CPEB3: variants seen among roughly 807,000 people sequenced by gnomAD.
CPEB3 encodes the protein cytoplasmic polyadenylation element binding protein 3.
CPEB3 carries 20 observed loss-of-function variants against 67.2 expected under a neutral mutation model. That is an observed-to-expected ratio of 0.30 (90% confidence interval 0.21 to 0.43). CPEB3 has a LOEUF of 0.43. CPEB3 is among the 20% of genes least tolerant of loss of function. CPEB3 has a pLI of 1.00. For synonymous variants in CPEB3, 376 were observed against 393.1 expected (o/e 0.96, Z 0.51); for missense variants, 746 against 968.6 (o/e 0.77, Z 3.05).
At chr10:92,063,763 C>CAA (rs75346884) in intron 9 of CPEB3, among the ~76,000 whole-genome samples, 64 of 135,006 alleles carry the variant, frequency 4.7e-4, no homozygotes, top group East Asian at 2.0e-3. Context: ...ACTCAGTATC[C>CAA]AAAAAAAAAA....
chr10:92,281,059 G>A (rs994248707), intron 1 of CPEB3, among the ~76,000 whole-genome samples: 3 of 151,700 alleles, frequency 2.0e-5, no homozygotes, highest in Admixed American at 6.6e-5. Context: ...CACGCCCGGC[G>A]ATGGTGAGCA....
intron 1 of CPEB3, among the ~76,000 whole-genome samples, chr10:92,253,134 T>C (rs535413369): frequency 1.6e-3 from 251 of 152,292 alleles, no homozygotes; most frequent in Non-Finnish European, 3.0e-3. Context: ...GACATACTTA[T>C]TCTGTTTGTT....
chr10:92,152,543 A>T (rs1847011499), intron 4 of CPEB3, among the ~76,000 whole-genome samples: 1 of 152,228 alleles, frequency 6.6e-6, no homozygotes, highest in Non-Finnish European at 1.5e-5. Flanking sequence ...TAATATCTGA[A>T]ATTCCCTTTA....
intron 4 of CPEB3, among the ~76,000 whole-genome samples, chr10:92,157,849 G>A (rs1475822683): frequency 3.3e-5 from 5 of 151,806 alleles, no homozygotes; most frequent in Non-Finnish European, 7.4e-5. Flanking sequence ...ATAATTAAAA[G>A]AACAAATTAC....
At chr10:92,176,596 A>G (rs761354496) in intron 4 of CPEB3, among the ~76,000 whole-genome samples, 9 of 152,248 alleles carry the variant, frequency 5.9e-5, no homozygotes, top group Non-Finnish European at 1.2e-4. Flanking sequence ...GTACCTATCA[A>G]GCAACTTTCC....
intron 6 of CPEB3, among the ~76,000 whole-genome samples, chr10:92,129,261 T>G (rs1350748246): frequency 6.6e-6 from 1 of 152,156 alleles, no homozygotes; most frequent in Non-Finnish European, 1.5e-5. Flanking sequence ...CCACATGTTC[T>G]CACTTATACA....
chr10:92,211,285 T>C (rs1850069182), intron 2 of CPEB3, among the ~76,000 whole-genome samples: 1 of 152,192 alleles, frequency 6.6e-6, no homozygotes, highest in African/African-American at 2.4e-5. Flanking sequence ...GTAGATAATT[T>C]ATCAAGTATC....
intron 2 of CPEB3, among the ~76,000 whole-genome samples, chr10:92,225,062 C>A (rs1323038796): frequency 1.3e-5 from 2 of 151,448 alleles, no homozygotes; most frequent in African/African-American, 2.4e-5. Flanking sequence ...GCAACCTCCA[C>A]CTCCTGGGTT....
chr10:92,289,818 T>C (rs1842752218), intron 1 of CPEB3, among the ~76,000 whole-genome samples: 1 of 139,038 alleles, frequency 7.2e-6, no homozygotes, highest in Non-Finnish European at 1.5e-5. Flanking sequence ...ATATATTATA[T>C]AATACATATA....
intron 2 of CPEB3, among the ~76,000 whole-genome samples, chr10:92,229,270 G>T (rs1307609948): frequency 1.3e-5 from 2 of 152,122 alleles, no homozygotes; most frequent in Non-Finnish European, 2.9e-5. Flanking sequence ...CTGGGCTCAA[G>T]CAGTCCTCCC....
chr10:92,264,155 C>T (rs928159781), intron 1 of CPEB3, among the ~76,000 whole-genome samples: 1 of 151,724 alleles, frequency 6.6e-6, no homozygotes, highest in Admixed American at 6.6e-5. Flanking sequence ...ATGGTAAAAC[C>T]CTGTCTCTAC....
intron 3 of CPEB3, among the ~76,000 whole-genome samples, chr10:92,185,242 A>G (rs1848633827): frequency 6.6e-6 from 1 of 152,188 alleles, no homozygotes; most frequent in Admixed American, 6.5e-5. Flanking sequence ...TCTTTTAAGT[A>G]TAGTGTAAAA....
intron 2 of CPEB3, among the ~76,000 whole-genome samples, chr10:92,236,604 C>T (rs1301036434): frequency 6.6e-6 from 1 of 152,066 alleles, no homozygotes; most frequent in Non-Finnish European, 1.5e-5. Flanking sequence ...AAAAAATTAG[C>T]CGGGCGTGGT....
intron 4 of CPEB3, among the ~76,000 whole-genome samples, chr10:92,158,559 A>G (rs763645637): frequency 1.9e-4 from 29 of 152,300 alleles, no homozygotes; most frequent in Non-Finnish European, 3.5e-4. Flanking sequence ...CCCCTGAAAA[A>G]TGTATAGAAA....
chr10:92,250,779 T>C (rs1168037839), intron 1 of CPEB3, among the ~76,000 whole-genome samples: 1 of 150,896 alleles, frequency 6.6e-6, no homozygotes, highest in African/African-American at 2.4e-5. Context: ...AACCTCCACC[T>C]CCCAGGTTCA....
intron 2 of CPEB3, chr10:92,216,622 G>A (rs1412320661): frequency 1.9e-6 from 3 of 1,609,484 alleles, no homozygotes; most frequent in Non-Finnish European, 2.5e-6. Context: ...TCCCAGTTAG[G>A]TGTGAGGACC....
intron 1 of CPEB3, among the ~76,000 whole-genome samples, chr10:92,257,105 A>G (rs1852548294): frequency 6.6e-6 from 1 of 152,254 alleles, no homozygotes; most frequent in Admixed American, 6.5e-5. Flanking sequence ...TTAATAATAC[A>G]AAGTTTAATG....
chr10:92,088,967 C>T (rs1843495734), intron 8 of CPEB3, among the ~76,000 whole-genome samples: 1 of 152,154 alleles, frequency 6.6e-6, no homozygotes, highest in Admixed American at 6.5e-5. Context: ...TCTATAAACA[C>T]ATTTGTTTTC....
chr10:92,244,565 G>A (rs1851981665), intron 1 of CPEB3, among the ~76,000 whole-genome samples: 1 of 151,332 alleles, frequency 6.6e-6, no homozygotes, highest in African/African-American at 2.4e-5. Flanking sequence ...AGCCTCCCAA[G>A]TAGCTGGGAC....
Sources: gnomAD v4.1 joint callset for allele counts (sites outside exome capture counted in the v4.1 genomes callset) on GRCh38, gnomAD v4.1.1 for gene constraint, MANE v1.5 for transcripts, NCBI Gene and HGNC (gene_info 2026-07-23, HGNC 2026-07-21) for gene names.